Variants in FASTKD2 observed in about 807,000 individuals in gnomAD.
FASTKD2 encodes the protein FAST kinase domain-containing protein 2, mitochondrial.
Under a neutral mutation model 63.6 loss-of-function variants are expected in FASTKD2, and 51 were observed. That is an observed-to-expected ratio of 0.80 (90% CI 0.64 to 1.01). FASTKD2 has a LOEUF of 1.01. FASTKD2 is among the 50% of genes least tolerant of loss of function. The probability of loss-of-function intolerance (pLI) is 0.00; values close to 1 mark genes in which losing one functional copy is unlikely to be tolerated. For missense variants in FASTKD2, 786 were observed against 831.1 expected (o/e 0.95, Z 0.67); for synonymous variants, 284 against 293.4 (o/e 0.97, Z 0.33).
rs1026776105 is a variant in FASTKD2 at position 206,794,423 on chromosome 2, T to C, written c.*2621T>C. On this transcript the variant is annotated 3_prime_UTR_variant, in exon 12 of 12. Coordinates refer to ENST00000402774, the MANE Select transcript of FASTKD2 (RefSeq NM_001136193.2). ...TTTTTAATTTTAATTTTTAGATTTT[T>C]AAAGATGGGGCCCTGCTATGTTACC... Among the ~76,000 whole-genome samples, 3 of 152,212 alleles carry C rather than the reference T, an allele frequency of 2.0e-5. No individual in the cohort carries two copies. The highest frequency in any genetic ancestry group is 4.4e-5 in the Non-Finnish European group (3 of 68,032).
intron 7 of FASTKD2, among the ~76,000 whole-genome samples, chr2:206,776,109 T>C (rs1024540348): frequency 6.6e-6 from 1 of 151,440 alleles, no homozygotes; most frequent in African/African-American, 2.4e-5. Context: ...CAGTATGTTA[T>C]AATGTGTAAA....
chr2:206,774,157 G>T, intron 6 of FASTKD2, 68 bp from the exon 7 acceptor site: 1 of 1,077,692 alleles, frequency 9.3e-7, no homozygotes, highest in African/African-American at 1.6e-5. Flanking sequence ...GATTTTTTGA[G>T]ATCTAAAAAA....
rs1559358161 is a variant in FASTKD2, at chr2:206,767,227, AT to A, written c.537del (p.Pro180LeufsTer27). On this transcript the variant is annotated frameshift_variant, in exon 2 of 12. Transcript: ENST00000402774. LOFTEE classifies it high-confidence loss of function. The stretch of plus-strand genomic sequence containing the variant: ...TAGATGCATTTTCAAAAGCGCCCAC[AT>A]TTCCTAGTAGCAACTATTTCACAGC... The part of the protein sequence containing the change: ...VLDAFSKAPT[F>X]PSSNYFTAMW... The A allele has an allele frequency of 3.7e-6, 6 of 1,614,102 alleles. No homozygotes were observed. The highest frequency in any genetic ancestry group is 5.1e-6 in the Non-Finnish European group (6 of 1,180,048).
Position 206,792,198 on chromosome 2 carries a change from G to A in FASTKD2, c.*396G>A, listed in dbSNP as rs1225722952. The A allele has an allele frequency of 1.5e-5, 3 of 205,250 alleles. No homozygotes were observed. The highest frequency in any genetic ancestry group is 2.0e-5 in the Non-Finnish European group (2 of 100,134). 12.7% of individuals were successfully genotyped at this position (205,250 alleles called of 1,614,324 possible). Reference sequence around the variant, plus strand: ...TGCTCTAAGCTGTTCTAAGACTTGGGGTTATGCCTTTAAATCATTTTCAAG... The same window carrying A: ...TGCTCTAAGCTGTTCTAAGACTTGGAGTTATGCCTTTAAATCATTTTCAAG... On this transcript the variant is annotated 3_prime_UTR_variant, in exon 12 of 12. Coordinates refer to ENST00000402774, the MANE Select transcript of FASTKD2 (RefSeq NM_001136193.2).
At chr2:206,778,621 C>T (rs971539303) in intron 7 of FASTKD2, among the ~76,000 whole-genome samples, 2 of 151,968 alleles carry the variant, frequency 1.3e-5, no homozygotes, top group African/African-American at 4.8e-5. Flanking sequence ...TGTTCTGGTG[C>T]TATTGGCTGG....
At position 206,796,023 on chromosome 2, in the gene FASTKD2, CAGG is replaced by C. The variant is rs1433387692; in HGVS notation, c.*4225_*4227del. Among the ~76,000 whole-genome samples, 2 of 152,252 alleles carry C rather than the reference CAGG, an allele frequency of 1.3e-5. No homozygotes were observed. Among genetic ancestry groups the C allele is most frequent in the Non-Finnish European group, 2.9e-5 (2 of 68,010 alleles). On this transcript the variant is annotated 3_prime_UTR_variant, in exon 12 of 12. Transcript: ENST00000402774. The stretch of plus-strand genomic sequence containing the variant: ...TCAGCCTTTCCATTCATCTTGTAAG[CAGG>C]AGGCTTCTGTGCATGGCCAGAAACT...
Position 206,796,057 on chromosome 2 carries a change from A to G in FASTKD2, c.*4255A>G, listed in dbSNP as rs535553567. Among the ~76,000 whole-genome samples, 2 of 152,320 alleles carry G rather than the reference A, an allele frequency of 1.3e-5. No homozygotes were observed. Among genetic ancestry groups the G allele is most frequent in the East Asian group, 3.9e-4 (2 of 5,184 alleles). ...TCTGTGCATGGCCAGAAACTAACAA[A>G]AGCACATTGTGTCTAAACTAGGTTG... On this transcript the variant is annotated 3_prime_UTR_variant, in exon 12 of 12. Transcript: ENST00000402774.
chr2:206,774,243 T>A lies in FASTKD2; in HGVS notation c.1273T>A (p.Leu425Ile). ...TTTTAAGGTTCTTTTTATCCTCATT[T>A]TATTTGAAAACCTTGGCTTTCGACC... ...KFRKVLFILI[L>I]FENLGFRPVG... Residue 425 changes from leucine to isoleucine, a missense_variant, in exon 7 of 12, where the codon TTA becomes ATA. Transcript: ENST00000402774. The A allele has an allele frequency of 6.2e-7, 1 of 1,610,822 alleles. No individual in the cohort carries two copies. The highest frequency in any genetic ancestry group is 8.5e-7 in the Non-Finnish European group (1 of 1,177,814).
Position 206,767,379 on chromosome 2 carries a change from A to G in FASTKD2, c.686A>G (p.Tyr229Cys), listed in dbSNP as rs766751066. The change falls in exon 2 of 12, where the codon TAT becomes TGT. Residue 229 changes from tyrosine to cysteine, a missense_variant. Coordinates refer to ENST00000402774, the MANE Select transcript of FASTKD2 (RefSeq NM_001136193.2). ...HMMREAKIMQ[Y>C]KYLLFSLHAI... ...ATGAGAGAAGCCAAGATCATGCAGT[A>G]TAAGTACCTACTGTTCAGTCTTCAC... 5 of 1,613,940 alleles carry G rather than the reference A, an allele frequency of 3.1e-6. No homozygotes were observed. Among genetic ancestry groups the G allele is most frequent in the African/African-American group, 1.3e-5 (1 of 75,074 alleles).
rs574960261 is a variant in FASTKD2, at chr2:206,794,958, C to T, written c.*3156C>T. Among the ~76,000 whole-genome samples the T allele has an allele frequency of 6.6e-6, 1 of 152,184 alleles. No homozygotes were observed. Among genetic ancestry groups the T allele is most frequent in the Non-Finnish European group, 1.5e-5 (1 of 68,028 alleles). ...GCATTCCTCAAATCCCAACTGACTGCACTTTTCCATGAAATTACCCAGCAG... is the reference window on the plus strand; with the variant it reads ...GCATTCCTCAAATCCCAACTGACTGTACTTTTCCATGAAATTACCCAGCAG... On this transcript the variant is annotated 3_prime_UTR_variant, in exon 12 of 12. Coordinates refer to ENST00000402774, the MANE Select transcript of FASTKD2 (RefSeq NM_001136193.2).
In FASTKD2 at chr2:206,793,435, G is replaced by C. The variant is rs1215739880; in HGVS notation, c.*1633G>C. Among the ~76,000 whole-genome samples the C allele has an allele frequency of 6.6e-6, 1 of 151,998 alleles. No homozygotes were observed. The highest frequency in any genetic ancestry group is 2.4e-5 in the African/African-American group (1 of 41,372). On this transcript the variant is annotated 3_prime_UTR_variant, in exon 12 of 12. Coordinates refer to ENST00000402774, the MANE Select transcript of FASTKD2 (RefSeq NM_001136193.2). ...TTCCTGAAGTCTCAGCTATGCCATT[G>C]GTTCCACATCATTTCATCCTCACCT...
intron 7 of FASTKD2, among the ~76,000 whole-genome samples, chr2:206,779,986 CAACTT>C (rs1444434326): frequency 5.9e-5 from 9 of 152,196 alleles, no homozygotes; most frequent in Non-Finnish European, 1.0e-4. Flanking sequence ...AAGCTGAAAA[CAACTT>C]AACTTCCATT....
At chr2:206,777,591 T>G (rs958327585) in intron 7 of FASTKD2, among the ~76,000 whole-genome samples, 1 of 152,172 alleles carries the variant, frequency 6.6e-6, no homozygotes, top group Non-Finnish European at 1.5e-5. Flanking sequence ...TCTGTGTTCA[T>G]CAGGGATATT....
At chr2:206,769,178 T>G (rs1479104187) in intron 2 of FASTKD2, among the ~76,000 whole-genome samples, 2 of 152,226 alleles carry the variant, frequency 1.3e-5, no homozygotes, top group Non-Finnish European at 2.9e-5. Flanking sequence ...TTCAAACACA[T>G]AGACAAGTGG....
intron 7 of FASTKD2, 186 bp from the exon 8 acceptor site, chr2:206,786,547 G>A (rs184537444): frequency 3.8e-5 from 23 of 609,108 alleles, no homozygotes; most frequent in Non-Finnish European, 5.9e-5. Flanking sequence ...TGTTTGTCTC[G>A]TGCAAGACAT....
At chr2:206,785,690 C>T (rs2287629) in intron 7 of FASTKD2, among the ~76,000 whole-genome samples, 1 of 151,990 alleles carries the variant, frequency 6.6e-6, no homozygotes, top group Non-Finnish European at 1.5e-5. Flanking sequence ...TAATTTCAGA[C>T]GTGCTGCCTT....
chr2:206,770,729 C>CAAAA (rs549037266), intron 3 of FASTKD2, among the ~76,000 whole-genome samples: 4 of 77,152 alleles, frequency 5.2e-5, no homozygotes, highest in East Asian at 4.6e-4. Flanking sequence ...GACTCTGTCT[C>CAAAA]AAAAAAAAAA....
At position 206,794,552 on chromosome 2, in the gene FASTKD2, T is replaced by G. The variant is rs1690390321; in HGVS notation, c.*2750T>G. Among the ~76,000 whole-genome samples, 1 of 152,170 alleles carries G rather than the reference T, an allele frequency of 6.6e-6. No individual in the cohort carries two copies. Among genetic ancestry groups the G allele is most frequent in the Non-Finnish European group, 1.5e-5 (1 of 68,024 alleles). On this transcript the variant is annotated 3_prime_UTR_variant, in exon 12 of 12. Transcript: ENST00000402774. The stretch of plus-strand genomic sequence containing the variant: ...AGGCTACTGTGCCCAGCTCAATTCT[T>G]GATTGAGACATTTACCAGCTCTCCG...
intron 10 of FASTKD2, 37 bp from the exon 11 acceptor site, chr2:206,790,535 C>G (rs770490989): frequency 1.7e-6 from 2 of 1,202,618 alleles, no homozygotes; most frequent in Admixed American, 3.4e-5. Context: ...ATAGTAATAT[C>G]AATAACTGTT....
Sources: gnomAD v4.1 joint callset for allele counts (sites outside exome capture counted in the v4.1 genomes callset) on GRCh38, gnomAD v4.1.1 for gene constraint, MANE v1.5 for transcripts, NCBI Gene and HGNC (gene_info 2026-07-23, HGNC 2026-07-21) for gene names.